The following ROR2 variants were observed in gnomAD, a reference collection of about 807,000 sequenced individuals.
The protein encoded by ROR2 is tyrosine-protein kinase transmembrane receptor ROR2.
Under a neutral mutation model 74.9 loss-of-function variants are expected in ROR2, and 33 were observed. The ratio of observed to expected loss-of-function variants is 0.44; its 90% CI spans 0.33 to 0.59. The LOEUF (loss-of-function observed/expected upper bound fraction) is 0.59. Among genes scored for constraint, ROR2 ranks in the 20% least tolerant of loss-of-function variants. The probability of loss-of-function intolerance (pLI) is 0.02; values close to 1 mark genes in which losing one functional copy is unlikely to be tolerated. For missense variants in ROR2, 1,216 were observed against 1,313.8 expected, an observed-to-expected ratio of 0.93 and a Z score of 1.15; for synonymous variants, 586 against 558.7, an observed-to-expected ratio of 1.05 and a Z score of -0.69.
At chr9:91,755,475 T>C (rs1419958547) in intron 4 of ROR2, among the ~76,000 whole-genome samples, 2 of 151,760 alleles carry the variant, frequency 1.3e-5, no homozygotes, top group African/African-American at 4.8e-5. Flanking sequence ...GATGGGAGAG[T>C]GTGGGCAGTT....
chr9:91,824,608 T>C (rs1828229125), intron 1 of ROR2, among the ~76,000 whole-genome samples: 2 of 152,142 alleles, frequency 1.3e-5, no homozygotes, highest in Admixed American at 1.3e-4. Flanking sequence ...CAAATCCCAA[T>C]GTTTCAACGC....
At chr9:91,744,823 G>GT (rs1417951604) in intron 4 of ROR2, among the ~76,000 whole-genome samples, 1 of 152,210 alleles carries the variant, frequency 6.6e-6, no homozygotes, top group Admixed American at 6.5e-5. Context: ...TCCCTGGGAA[G>GT]TAAATTTTAT....
intron 4 of ROR2, among the ~76,000 whole-genome samples, chr9:91,745,247 T>C (rs1383586496): frequency 6.6e-6 from 1 of 150,978 alleles, no homozygotes; most frequent in Non-Finnish European, 1.5e-5. Context: ...TGCCTCAGTC[T>C]CCCAAGTAGC....
intron 1 of ROR2, among the ~76,000 whole-genome samples, chr9:91,817,703 C>T (rs992036935): frequency 6.6e-6 from 1 of 152,196 alleles, no homozygotes; most frequent in African/African-American, 2.4e-5. Context: ...ATGGCCACCT[C>T]GCCAATATGA....
chr9:91,822,684 T>C (rs1828171426), intron 1 of ROR2, among the ~76,000 whole-genome samples: 1 of 152,174 alleles, frequency 6.6e-6, no homozygotes, highest in Non-Finnish European at 1.5e-5. Context: ...AGATACAGAA[T>C]GTCCAAGTAT....
At chr9:91,792,240 A>G (rs1827007116) in intron 1 of ROR2, among the ~76,000 whole-genome samples, 1 of 152,184 alleles carries the variant, frequency 6.6e-6, no homozygotes, top group Admixed American at 6.5e-5. Flanking sequence ...AAAGATTTGA[A>G]GGGAGATAAA....
chr9:91,891,677 T>G (rs537937096), intron 1 of ROR2, among the ~76,000 whole-genome samples: 55 of 152,328 alleles, frequency 3.6e-4, no homozygotes, highest in African/African-American at 1.3e-3. Context: ...CCCTGTTTCC[T>G]TGCTGGGTGT....
chr9:91,888,872 G>A (rs1456283647), intron 1 of ROR2, among the ~76,000 whole-genome samples: 3 of 152,036 alleles, frequency 2.0e-5, no homozygotes, highest in Non-Finnish European at 4.4e-5. Flanking sequence ...GCCCACTCTA[G>A]TGTGACAGGC....
At chr9:91,806,348 G>C (rs1827546383) in intron 1 of ROR2, among the ~76,000 whole-genome samples, 1 of 152,158 alleles carries the variant, frequency 6.6e-6, no homozygotes, top group Non-Finnish European at 1.5e-5. Flanking sequence ...GGAGAAAGGG[G>C]TCTCTCTGAG....
chr9:91,925,660 C>T (rs1161309412), intron 1 of ROR2, among the ~76,000 whole-genome samples: 1 of 152,168 alleles, frequency 6.6e-6, no homozygotes, highest in Non-Finnish European at 1.5e-5. Flanking sequence ...TGGCAGAAAA[C>T]CAACAGATGG....
intron 1 of ROR2, among the ~76,000 whole-genome samples, chr9:91,865,374 C>G (rs1244339725): frequency 1.3e-5 from 2 of 152,176 alleles, no homozygotes; most frequent in African/African-American, 4.8e-5. Context: ...TGTGAAACCA[C>G]GTTTTGGCTT....
At chr9:91,734,295 C>G (rs1376174160) in intron 5 of ROR2, among the ~76,000 whole-genome samples, 1 of 152,180 alleles carries the variant, frequency 6.6e-6, no homozygotes, top group Non-Finnish European at 1.5e-5. Context: ...GAAAGGCTGG[C>G]TTACAACAAT....
intron 1 of ROR2, among the ~76,000 whole-genome samples, chr9:91,839,533 G>A (rs1252695793): frequency 6.6e-6 from 1 of 151,810 alleles, no homozygotes; most frequent in African/African-American, 2.4e-5. Context: ...ATGTTGTGGG[G>A]AGGTATATGA....
intron 1 of ROR2, among the ~76,000 whole-genome samples, chr9:91,872,454 G>A (rs558997747): frequency 9.9e-5 from 15 of 152,276 alleles, no homozygotes; most frequent in East Asian, 3.9e-4. Context: ...AAACCTTGAC[G>A]AGGAATCAGG....
intron 1 of ROR2, among the ~76,000 whole-genome samples, chr9:91,839,279 T>TGTAAGTACAGGC (rs1554681718): frequency 5.9e-5 from 8 of 136,494 alleles, no homozygotes; most frequent in African/African-American, 2.6e-4. Flanking sequence ...TGTGTGTGTG[T>TGTAAGTACAGGC]GTGTGTGTGT....
rs534198042 is a variant in ROR2, at chr9:91,903,315, AAC to A, written c.97+46550_97+46551del. Among the ~76,000 whole-genome samples the A allele has an allele frequency of 4.2e-4, 64 of 152,080 alleles. No homozygotes were observed. In the East Asian group the frequency reaches 8.7e-3, roughly 21 times the overall value. On this transcript the variant is annotated intron_variant, in intron 1 of 8. Coordinates refer to ENST00000375708, the MANE Select transcript of ROR2 (RefSeq NM_004560.4). ...GAGGGGTCTCAGATGCCCACACCCC[AAC>A]CCGCTGGCTTCCCCTGCCCAAGAAA...
At chr9:91,860,530 C>T (rs1468187910) in intron 1 of ROR2, among the ~76,000 whole-genome samples, 2 of 152,200 alleles carry the variant, frequency 1.3e-5, no homozygotes, top group Non-Finnish European at 1.5e-5. Flanking sequence ...ATCATGGAGG[C>T]TGAAAGACCC....
intron 2 of ROR2, among the ~76,000 whole-genome samples, chr9:91,773,637 C>G (rs775911758): frequency 1.8e-4 from 28 of 152,224 alleles, no homozygotes; most frequent in Non-Finnish European, 3.5e-4. Context: ...ATTTCAAGAG[C>G]CTTCCAGCTG....
rs527634040 is a variant in ROR2 at position 91,870,998 on chromosome 9, G to C, written c.97+78869C>G. 4.6e-5 allele frequency among the ~76,000 whole-genome samples: 7 copies of C among 152,356 alleles called. No individual in the cohort carries two copies. In the South Asian group the frequency reaches 1.2e-3, roughly 27 times the overall value. On this transcript the variant is annotated intron_variant, in intron 1 of 8. Coordinates refer to ENST00000375708, the MANE Select transcript of ROR2 (RefSeq NM_004560.4). ...GCATTAAAAATAGTATTGTTCTACA[G>C]ATCAAATTACTCTTTAAAGCAATGC... is the stretch of plus-strand genomic sequence containing the variant.
Sources: allele counts gnomAD v4.1 joint callset (sites outside exome capture counted in the v4.1 genomes callset), GRCh38; gene constraint gnomAD v4.1.1; transcripts MANE v1.5; gene names NCBI Gene and HGNC (gene_info 2026-07-23, HGNC 2026-07-21).